The following BRINP3 variants were observed in gnomAD, a reference collection of about 807,000 sequenced individuals.
The protein encoded by BRINP3 is BMP/retinoic acid inducible neural specific 3, also known as BMP/retinoic acid-inducible neural-specific protein 3.
BRINP3 carries 19 observed loss-of-function variants against 71.0 expected under a neutral mutation model. The ratio of observed to expected loss-of-function variants is 0.27; its 90% CI spans 0.19 to 0.39. BRINP3 has a LOEUF of 0.39. BRINP3 is among the 10% of genes least tolerant of loss of function. The probability of loss-of-function intolerance (pLI) is 1.00; values close to 1 mark genes in which losing one functional copy is unlikely to be tolerated. For synonymous variants in BRINP3, 380 were observed against 337.7 expected, an observed-to-expected ratio of 1.13 and a Z score of -1.37; for missense variants, 959 against 940.8, an observed-to-expected ratio of 1.02 and a Z score of -0.25.
At chr1:190,149,694 T>G (rs903230956) in intron 7 of BRINP3, among the ~76,000 whole-genome samples, 2 of 151,628 alleles carry the variant, frequency 1.3e-5, no homozygotes, top group Non-Finnish European at 2.9e-5. Flanking sequence ...TTCCTTATAT[T>G]ATTACTAATG....
intron 2 of BRINP3, among the ~76,000 whole-genome samples, chr1:190,352,867 G>A (rs1331879503): frequency 6.6e-6 from 1 of 151,350 alleles, no homozygotes; most frequent in African/African-American, 2.4e-5. Flanking sequence ...CTCTGTGTGT[G>A]TATGTGCATG....
At chr1:190,416,980 T>C (rs1673043999) in intron 2 of BRINP3, among the ~76,000 whole-genome samples, 1 of 152,174 alleles carries the variant, frequency 6.6e-6, no homozygotes, top group South Asian at 2.1e-4. Context: ...AGGAGTTATA[T>C]GTAAAGGATT....
At chr1:190,280,972 G>A (rs1385853680) in intron 3 of BRINP3, among the ~76,000 whole-genome samples, 1 of 151,728 alleles carries the variant, frequency 6.6e-6, no homozygotes, top group Non-Finnish European at 1.5e-5. Flanking sequence ...ATATTTTTAA[G>A]GCTAAATAGT....
chr1:190,414,537 T>G (rs1171045), intron 2 of BRINP3, among the ~76,000 whole-genome samples: 114,922 of 152,070 alleles, frequency 0.76, 43,615 homozygotes, highest in Non-Finnish European at 0.8. Flanking sequence ...CATTCTTGTT[T>G]CATGGTTTCA....
chr1:190,342,886 C>T (rs748399000), intron 2 of BRINP3: 37 of 151,558 alleles, frequency 2.4e-4, no homozygotes, highest in Non-Finnish European at 4.3e-4. Flanking sequence ...TAGCTGTGGC[C>T]TAGAATAAAT....
At chr1:190,255,309 G>T (rs1040988436) in intron 4 of BRINP3, among the ~76,000 whole-genome samples, 1 of 151,280 alleles carries the variant, frequency 6.6e-6, no homozygotes, top group Non-Finnish European at 1.5e-5. Context: ...AAATGAGTTA[G>T]GGAGGATTCC....
At chr1:190,202,872 C>T (rs761371151) in intron 6 of BRINP3, among the ~76,000 whole-genome samples, 3 of 152,056 alleles carry the variant, frequency 2.0e-5, no homozygotes, top group Non-Finnish European at 4.4e-5. Flanking sequence ...TCAGGTAAGT[C>T]TTTATCAGCA....
intron 4 of BRINP3, among the ~76,000 whole-genome samples, chr1:190,249,316 G>A (rs1462031291): frequency 6.6e-6 from 1 of 151,746 alleles, no homozygotes; most frequent in Non-Finnish European, 1.5e-5. Flanking sequence ...TTGGTAAATT[G>A]TAGACCTCCA....
chr1:190,351,937 T>C (rs865804437), intron 2 of BRINP3, among the ~76,000 whole-genome samples: 3 of 152,178 alleles, frequency 2.0e-5, no homozygotes, highest in African/African-American at 7.2e-5. Flanking sequence ...TGAATATGCT[T>C]TGAATAAGTT....
At chr1:190,205,652 C>G (rs1218291073) in intron 6 of BRINP3, among the ~76,000 whole-genome samples, 1 of 152,014 alleles carries the variant, frequency 6.6e-6, no homozygotes. Flanking sequence ...AAGAAAATTT[C>G]AGATTCATGT....
At chr1:190,286,994 G>A (rs917273917) in intron 2 of BRINP3, among the ~76,000 whole-genome samples, 1 of 151,716 alleles carries the variant, frequency 6.6e-6, no homozygotes, top group Non-Finnish European at 1.5e-5. Context: ...TGAGGCGGAC[G>A]GATCACTTCA....
chr1:190,299,765 G>C (rs1664534066), intron 2 of BRINP3, among the ~76,000 whole-genome samples: 1 of 151,750 alleles, frequency 6.6e-6, no homozygotes, highest in Non-Finnish European at 1.5e-5. Flanking sequence ...AATTCTCTCA[G>C]CATTTGCTTG....
intron 7 of BRINP3, among the ~76,000 whole-genome samples, chr1:190,104,597 T>C (rs1651981264): frequency 6.6e-6 from 1 of 152,194 alleles, no homozygotes; most frequent in Admixed American, 6.5e-5. Context: ...TTCACCTTTT[T>C]AAAAATAGAT....
intron 2 of BRINP3, among the ~76,000 whole-genome samples, chr1:190,324,417 T>C (rs1571749492): frequency 6.6e-6 from 1 of 151,904 alleles, no homozygotes. Flanking sequence ...CATTTCCCCC[T>C]ACAAAAATTC....
chr1:190,436,242 C>T (rs1674446298), intron 2 of BRINP3, among the ~76,000 whole-genome samples: 2 of 151,820 alleles, frequency 1.3e-5, no homozygotes, highest in Non-Finnish European at 2.9e-5. Context: ...TAGATATAGA[C>T]AAATGGGAAT....
At chr1:190,121,394 A>AAATT (rs1653642139) in intron 7 of BRINP3, among the ~76,000 whole-genome samples, 1 of 152,226 alleles carries the variant, frequency 6.6e-6, no homozygotes, top group Admixed American at 6.5e-5. Flanking sequence ...TGTACAATTA[A>AAATT]GAAAAACAGC....
At chr1:190,256,191 T>A (rs1558115672) in intron 4 of BRINP3, among the ~76,000 whole-genome samples, 1 of 152,216 alleles carries the variant, frequency 6.6e-6, no homozygotes, top group Non-Finnish European at 1.5e-5. Context: ...CTTCCAACTC[T>A]GTGGTCAACT....
intron 7 of BRINP3, among the ~76,000 whole-genome samples, chr1:190,109,658 CCTT>C (rs938034046): frequency 2.6e-5 from 4 of 152,214 alleles, no homozygotes; most frequent in Non-Finnish European, 5.9e-5. Context: ...TGGGCAGACA[CCTT>C]CTAGTCCAAT....
chr1:190,413,701 C>T (rs534350708), intron 2 of BRINP3, among the ~76,000 whole-genome samples: 8 of 152,238 alleles, frequency 5.3e-5, no homozygotes, highest in African/African-American at 1.7e-4. Context: ...AGACTTTAGA[C>T]ATGTGGCCTT....
Sources: allele counts gnomAD v4.1 joint callset (sites outside exome capture counted in the v4.1 genomes callset), GRCh38; gene constraint gnomAD v4.1.1; transcripts MANE v1.5; gene names NCBI Gene and HGNC (gene_info 2026-07-23, HGNC 2026-07-21).